ZNF143: variants seen among roughly 807,000 people sequenced by gnomAD.
ZNF143 encodes the protein SPH-binding factor.
ZNF143 carries 49 observed loss-of-function variants against 74.1 expected under a neutral mutation model. The observed-to-expected ratio is 0.66, with a 90% CI of 0.53 to 0.84. ZNF143 has a LOEUF of 0.84. Ranked by LOEUF, ZNF143 falls within the 40% of genes least tolerant of loss-of-function variation. The pLI is 0.00. For missense variants in ZNF143, 637 were observed against 793.4 expected (o/e 0.80, Z 2.37); for synonymous variants, 304 against 282.8 (o/e 1.07, Z -0.75).
intron 12 of ZNF143, among the ~76,000 whole-genome samples, chr11:9,511,456 C>T (rs1848542479): frequency 6.6e-6 from 1 of 151,006 alleles, no homozygotes; most frequent in African/African-American, 2.5e-5. Flanking sequence ...GCCACCATGC[C>T]CGGCTATTTT....
In ZNF143 at chr11:9,527,713, C is replaced by A; in HGVS notation, c.*100C>A. 9.7e-7 allele frequency: 1 copy of A among 1,029,324 alleles called. No homozygotes were observed. The highest frequency in any genetic ancestry group is 1.5e-6 in the Non-Finnish European group (1 of 675,284). 63.8% of individuals were successfully genotyped at this position (1,029,324 alleles called of 1,614,324 possible). ...CCAGGAAAATTAGAAGTTTTCCATT[C>A]CTGATACACTGTACACATTTTTATG... On this transcript the variant is annotated 3_prime_UTR_variant, in exon 16 of 16. Transcript: ENST00000396602.
chr11:9,487,091 C>T lies in ZNF143; in HGVS notation c.645+7545C>T, dbSNP rs559954187. Among the ~76,000 whole-genome samples, 102 of 150,470 alleles carry T rather than the reference C, an allele frequency of 6.8e-4. 1 individual carries two copies. The South Asian group carries it at 6.9e-3, about 10-fold the overall frequency. On this transcript the variant is annotated intron_variant, in intron 7 of 15. Transcript: ENST00000396602. ...AAGCAATTCTCCTGCCTCAGCCTCC[C>T]GAGTAGCTGGGAATACAGGTGCCTG...
At chr11:9,469,197 T>G (rs542873508) in intron 1 of ZNF143, among the ~76,000 whole-genome samples, 87 of 150,096 alleles carry the variant, frequency 5.8e-4, no homozygotes, top group African/African-American at 2.0e-3. Context: ...CTATGCTAAT[T>G]TTATTCTCAG....
chr11:9,473,758 G>A (rs1170929613), intron 3 of ZNF143, 183 bp from the exon 4 acceptor site: 1 of 1,525,104 alleles, frequency 6.6e-7, no homozygotes, highest in East Asian at 2.5e-5. Flanking sequence ...GCTGAGGGAG[G>A]ATTTTCTGCT....
intron 14 of ZNF143, among the ~76,000 whole-genome samples, chr11:9,520,346 T>C (rs540719440): frequency 1.3e-5 from 2 of 148,996 alleles, no homozygotes; most frequent in Admixed American, 1.3e-4. Context: ...TTTTTTTTTT[T>C]AATTAGCAAA....
In ZNF143 at chr11:9,497,765, C is replaced by A; in HGVS notation, c.932C>A (p.Ser311Ter). 6.2e-7 allele frequency: 1 copy of A among 1,608,298 alleles called. No homozygotes were observed. Among genetic ancestry groups the A allele is most frequent in the Non-Finnish European group, 8.5e-7 (1 of 1,176,912 alleles). Residue 311 changes from serine (S) to a stop codon, truncating the protein, a stop_gained, in exon 10 of 16, where the codon TCA (serine) becomes TAA (stop). Coordinates refer to ENST00000396602, the MANE Select transcript of ZNF143 (RefSeq NM_003442.6). LOFTEE classifies it high-confidence loss of function. Reference sequence around the variant, plus strand: ...AATTGTACTAAATCTTTCAAAACTTCAGGAGATCTACAGAAACACATCAGA... The same window carrying A: ...AATTGTACTAAATCTTTCAAAACTTAAGGAGATCTACAGAAACACATCAGA... ...EDNCTKSFKT[S>*]GDLQKHIRTH...
At chr11:9,463,722 G>A (rs140198295) in intron 1 of ZNF143, 2 of 152,322 alleles carry the variant, frequency 1.3e-5, no homozygotes, top group African/African-American at 4.8e-5. Context: ...GTCCTTTGCT[G>A]TGTGTTGGAA....
At chr11:9,487,689 A>G (rs938183881) in intron 7 of ZNF143, among the ~76,000 whole-genome samples, 8 of 152,152 alleles carry the variant, frequency 5.3e-5, no homozygotes, top group Admixed American at 5.2e-4. Flanking sequence ...AACATACATT[A>G]AGTTTAAATA....
intron 5 of ZNF143, 61 bp from the exon 6 acceptor site, chr11:9,478,329 A>T: frequency 1.3e-6 from 2 of 1,547,420 alleles, no homozygotes; most frequent in Non-Finnish European, 1.8e-6. Context: ...CTTCCTTTAA[A>T]TATGTAAATA....
At chr11:9,475,903 A>AT (rs1856849619) in intron 5 of ZNF143, among the ~76,000 whole-genome samples, 1 of 76,240 alleles carries the variant, frequency 1.3e-5, no homozygotes, top group African/African-American at 3.9e-5. Context: ...GTCTCAAAAA[A>AT]ATATATATGT....
At chr11:9,483,786 T>G (rs1297242041) in intron 7 of ZNF143, among the ~76,000 whole-genome samples, 5 of 147,174 alleles carry the variant, frequency 3.4e-5, no homozygotes, top group African/African-American at 5.2e-5. Flanking sequence ...AGTCTCACTC[T>G]GTCACCAGGC....
intron 1 of ZNF143, among the ~76,000 whole-genome samples, chr11:9,462,204 G>C (rs1855903752): frequency 1.3e-5 from 2 of 151,124 alleles, no homozygotes; most frequent in Middle Eastern, 3.4e-3. Flanking sequence ...TTAATTGTCA[G>C]TGTCCACTAT....
At chr11:9,467,726 A>G (rs1825845358) in intron 1 of ZNF143, among the ~76,000 whole-genome samples, 1 of 151,958 alleles carries the variant, frequency 6.6e-6, no homozygotes, top group African/African-American at 2.4e-5. Flanking sequence ...GTGCGCCTGT[A>G]ATCCCAGTTA....
chr11:9,477,409 C>T (rs917381387), intron 5 of ZNF143, among the ~76,000 whole-genome samples: 1 of 152,072 alleles, frequency 6.6e-6, no homozygotes, highest in African/African-American at 2.4e-5. Flanking sequence ...TGCGCGCCAC[C>T]ATGCCCAGCT....
chr11:9,494,673 G>A lies in ZNF143; in HGVS notation c.673G>A (p.Val225Ile), dbSNP rs779002277. ...QIVLQGHATR[V>I]TAKSQQSGEK... The stretch of plus-strand genomic sequence containing the variant: ...TGTTTTACAAGGACATGCTACAAGA[G>A]TAACTGCTAAATCTCAACAGAGTGG... Residue 225 changes from valine (V) to isoleucine (I), a missense_variant, in exon 8 of 16, where the codon GTA becomes ATA. This residue lies in a region of ZNF143 where 293 missense variants were observed against 307.8 expected (regional missense o/e 0.95). Transcript: ENST00000396602. The A allele has an allele frequency of 3.6e-5, 58 of 1,613,716 alleles. No homozygotes were observed. Among genetic ancestry groups the A allele is most frequent in the Non-Finnish European group, 4.4e-5 (52 of 1,179,804 alleles).
intron 1 of ZNF143, among the ~76,000 whole-genome samples, chr11:9,464,773 A>G (rs1397402176): frequency 2.6e-5 from 4 of 151,648 alleles, no homozygotes; most frequent in African/African-American, 9.7e-5. Context: ...AATACAAAAA[A>G]TTAGCTGGGC....
chr11:9,489,161 A>G (rs1433768098), intron 7 of ZNF143, among the ~76,000 whole-genome samples: 1 of 152,150 alleles, frequency 6.6e-6, no homozygotes, highest in Non-Finnish European at 1.5e-5. Context: ...TTGTACAGGT[A>G]TTCATCCTAC....
chr11:9,472,785 A>G lies in ZNF143; in HGVS notation c.205+16A>G, dbSNP rs181884055. ...AATTCTAAAGGTATGTGCCTCACATATGGCTGATTGGTTAATACCAGTGAT... is the reference window on the plus strand; with the variant it reads ...AATTCTAAAGGTATGTGCCTCACATGTGGCTGATTGGTTAATACCAGTGAT... On this transcript the variant is annotated intron_variant, in intron 3 of 15. Transcript: ENST00000396602. The G allele has an allele frequency of 2.5e-4, 383 of 1,535,454 alleles. 1 individual carries two copies. In the African/African-American group the frequency reaches 4.8e-3, roughly 19 times the overall value.
chr11:9,496,307 A>AG lies in ZNF143; in HGVS notation c.770_771insG (p.His257GlnfsTer2). 6.2e-7 allele frequency: 1 copy of AG among 1,614,198 alleles called. No individual in the cohort carries two copies. Among genetic ancestry groups the AG allele is most frequent in the Non-Finnish European group, 8.5e-7 (1 of 1,180,032 alleles). ...ATGCCTGCATTTTAATCACAGGTCC[A>AG]TGAGAGGTCACACACAGGAGATCGG... On this transcript the variant is annotated frameshift_variant, in exon 9 of 16. Transcript: ENST00000396602. LOFTEE classifies it high-confidence loss of function.
Sources: gnomAD v4.1 joint callset for allele counts (sites outside exome capture counted in the v4.1 genomes callset) on GRCh38, gnomAD v4.1.1 for gene constraint, gnomAD v4.1.1 regional missense constraint, MANE v1.5 for transcripts, NCBI Gene and HGNC (gene_info 2026-07-23, HGNC 2026-07-21) for gene names.